SIDT2: variants seen among roughly 807,000 people sequenced by gnomAD.
SIDT2 encodes the protein SID1 transmembrane family member 2, also known as SID1 transmembrane family, member 2.
A neutral mutation model predicts 114.4 loss-of-function variants in SIDT2; 68 were observed. The ratio of observed to expected loss-of-function variants is 0.59; its 90% CI spans 0.49 to 0.73. SIDT2 has a LOEUF of 0.73. SIDT2 is among the 30% of genes least tolerant of loss of function. The probability of loss-of-function intolerance (pLI) is 0.00; values close to 1 mark genes in which losing one functional copy is unlikely to be tolerated. For missense variants in SIDT2, 918 were observed against 1,097.1 expected, an observed-to-expected ratio of 0.84 and a Z score of 2.31; for synonymous variants, 470 against 438.4, an observed-to-expected ratio of 1.07 and a Z score of -0.90.
At chr11:117,183,697 A>C in intron 6 of SIDT2, 82 bp from the exon 7 acceptor site, 1 of 1,037,756 alleles carries the variant, frequency 9.6e-7, no homozygotes, top group Non-Finnish European at 1.5e-6. Flanking sequence ...AATTTAGCAT[A>C]ATGTCTGGCC....
At position 117,182,563 on chromosome 11, in the gene SIDT2, C is replaced by T. The variant is rs1013646733; in HGVS notation, c.561C>T (p.Val187=). The change falls in exon 5 of 26, where the codon GTC becomes GTT. Residue 187 remains valine (V), a synonymous_variant. Coordinates refer to ENST00000324225, the MANE Select transcript of SIDT2 (RefSeq NM_001040455.2). ...CTGAAGGCGTGGACTCGGTAATTGT[C>T]AAGGTGACCTCCAACAAGGCCTTCC... The part of the protein sequence containing the change: ...EFPEGVDSVI[V]KVTSNKAFPC... The T allele has an allele frequency of 6.2e-7, 1 of 1,614,096 alleles. No homozygotes were observed. Among genetic ancestry groups the T allele is most frequent in the African/African-American group, 1.3e-5 (1 of 74,924 alleles).
chr11:117,179,212 C>T lies in SIDT2; in HGVS notation c.-52C>T. ...ACCCGTCCCGGAGGTGTCCTGTCTC[C>T]TGTCGCCGCCGCCGCCGCCACCACC... On this transcript the variant is annotated 5_prime_UTR_variant, in exon 1 of 26. Transcript: ENST00000324225. 6.3e-7 allele frequency: 1 copy of T among 1,575,404 alleles called. No individual in the cohort carries two copies. Among genetic ancestry groups the T allele is most frequent in the Non-Finnish European group, 8.6e-7 (1 of 1,161,114 alleles).
rs2030656063 is a variant in SIDT2, at chr11:117,190,423, C to T, written c.1617+134C>T. ...CCCCTCCCCAGTTCTGTCTGGCCCA[C>T]CCTATCCAGCCCAGCCTGCCCCACC... is the stretch of plus-strand genomic sequence containing the variant. On this transcript the variant is annotated intron_variant, in intron 17 of 25. Transcript: ENST00000324225. The surrounding 1 kb of genome is among the most constrained non-coding windows in gnomAD (Gnocchi z 4.1). 1.4e-6 allele frequency: 2 copies of T among 1,410,706 alleles called. No homozygotes were observed. Among genetic ancestry groups the T allele is most frequent in the Non-Finnish European group, 1.9e-6 (2 of 1,065,322 alleles). 87.4% of individuals were successfully genotyped at this position (1,410,706 alleles called of 1,614,324 possible). A position where few individuals can be genotyped will look rare whatever the true frequency, so the allele number is the denominator to read the frequency against.
chr11:117,181,668 G>C, intron 2 of SIDT2, 131 bp downstream of exon 2: 4 of 1,568,398 alleles, frequency 2.6e-6, no homozygotes, highest in Non-Finnish European at 2.6e-6. Flanking sequence ...CACAAGGGCC[G>C]AGTCCCACCA....
intron 15 of SIDT2, 144 bp from the exon 16 acceptor site, chr11:117,189,808 G>A (rs921517255): frequency 3.1e-5 from 22 of 713,706 alleles, no homozygotes; most frequent in Non-Finnish European, 5.4e-5. Context: ...TTCTCAGAAG[G>A]AACACGTGCC....
chr11:117,196,138 G>T lies in SIDT2; in HGVS notation c.*72G>T. 2.5e-6 allele frequency: 4 copies of T among 1,597,052 alleles called. No individual in the cohort carries two copies. Among genetic ancestry groups the T allele is most frequent in the South Asian group, 1.1e-5 (1 of 90,398 alleles). ...TGTGTCATAGACCGGTCACTCTGTCGTGCTGTGGGGATGAGTCCCAGCACC... is the reference window on the plus strand; with the variant it reads ...TGTGTCATAGACCGGTCACTCTGTCTTGCTGTGGGGATGAGTCCCAGCACC... On this transcript the variant is annotated 3_prime_UTR_variant, in exon 26 of 26. Transcript: ENST00000324225. The surrounding 1 kb of genome is among the most constrained non-coding windows in gnomAD (Gnocchi z 4.9).
In SIDT2 at chr11:117,196,002, A is replaced by G. The variant is rs2030885321; in HGVS notation, c.2437-2A>G. 1 of 1,614,088 alleles carries G rather than the reference A, an allele frequency of 6.2e-7. No individual in the cohort carries two copies. Among genetic ancestry groups the G allele is most frequent in the African/African-American group, 1.3e-5 (1 of 74,930 alleles). On this transcript the variant is annotated splice_acceptor_variant, in intron 25 of 25. Coordinates refer to ENST00000324225, the MANE Select transcript of SIDT2 (RefSeq NM_001040455.2). LOFTEE classifies it high-confidence loss of function. The surrounding 1 kb of genome is among the most constrained non-coding windows in gnomAD (Gnocchi z 4.9). ...GTGGCTGATCTGGCGTCCACACCCCAGGTGTTGCTGACACTGGATGACGAC... is the reference window on the plus strand; with the variant it reads ...GTGGCTGATCTGGCGTCCACACCCCGGGTGTTGCTGACACTGGATGACGAC...
Position 117,189,228 on chromosome 11 carries a change from C to T in SIDT2, c.1338C>T (p.Tyr446=). Residue 446 remains tyrosine, a synonymous_variant, in exon 14 of 26, where the codon TAC becomes TAT. Coordinates refer to ENST00000324225, the MANE Select transcript of SIDT2 (RefSeq NM_001040455.2). ...ACAAGCGTGTTCTGCGGAAAAAGTACCAGATCTACTTCTGGTGAGTGGGCT... is the reference window on the plus strand; with the variant it reads ...ACAAGCGTGTTCTGCGGAAAAAGTATCAGATCTACTTCTGGTGAGTGGGCT... ...RKDKRVLRKK[Y]QIYFWNIATI... 1 of 1,614,234 alleles carries T rather than the reference C, an allele frequency of 6.2e-7. No individual in the cohort carries two copies. Among genetic ancestry groups the T allele is most frequent in the Non-Finnish European group, 8.5e-7 (1 of 1,180,034 alleles).
At position 117,188,019 on chromosome 11, in the gene SIDT2, G is replaced by A. The variant is rs2030565441; in HGVS notation, c.1159+320G>A. The A allele has an allele frequency of 1.0e-5, 6 of 575,618 alleles. No homozygotes were observed. Among genetic ancestry groups the A allele is most frequent in the East Asian group, 7.9e-5 (2 of 25,328 alleles). The allele number at this position is 575,618 out of a possible 1,614,324, so 35.7% of individuals were successfully genotyped here. On this transcript the variant is annotated intron_variant, in intron 12 of 25. Coordinates refer to ENST00000324225, the MANE Select transcript of SIDT2 (RefSeq NM_001040455.2). This position sits in a 1 kb window ranked among gnomAD's most constrained non-coding sequence, Gnocchi z 4.0. The stretch of plus-strand genomic sequence containing the variant: ...TGCCTGCCGGCTCCGGTTGACTGCC[G>A]GCTGTGGGGCCAGAAAGATTCTATG...
In SIDT2 at chr11:117,181,475, G is replaced by A. The variant is rs1490905929; in HGVS notation, c.243G>A (p.Leu81=). 1.9e-6 allele frequency: 3 copies of A among 1,613,842 alleles called. No homozygotes were observed. Among genetic ancestry groups the A allele is most frequent in the Admixed American group, 3.3e-5 (2 of 59,982 alleles). Residue 81 remains leucine (L), a synonymous_variant, in exon 2 of 26, where the codon CTG becomes CTA. Coordinates refer to ENST00000324225, the MANE Select transcript of SIDT2 (RefSeq NM_001040455.2). ...VLNKQKGAPL[L]FVVRQKEAVV... ...ACAAGCAGAAGGGGGCGCCGTTGCT[G>A]TTTGTGGTCCGCCAGAAGGAGGCTG...
rs372876220 is a variant in SIDT2, at chr11:117,193,924, C to T, written c.2283C>T (p.Phe761=). 20 of 1,613,994 alleles carry T rather than the reference C, an allele frequency of 1.2e-5. No individual in the cohort carries two copies. Among genetic ancestry groups the T allele is most frequent in the African/African-American group, 1.2e-4 (9 of 74,916 alleles). The change falls in exon 24 of 26, where the codon TTC becomes TTT. Residue 761 remains phenylalanine (F), a synonymous_variant. Coordinates refer to ENST00000324225, the MANE Select transcript of SIDT2 (RefSeq NM_001040455.2). The part of the protein sequence containing the change: ...CIVCTSVVWG[F]ALFFFFQGLS... ...TTTGCACCTCCGTGGTCTGGGGCTT[C>T]GCGCTCTTCTTCTTCTTCCAGGGAC...
Position 117,188,179 on chromosome 11 carries a change from G to A in SIDT2, c.1159+480G>A, listed in dbSNP as rs553451865. The A allele has an allele frequency of 2.0e-3, 712 of 360,870 alleles. 3 individuals are homozygous for A. The highest frequency in any genetic ancestry group is 3.1e-3 in the Non-Finnish European group (580 of 184,288). 22.4% of individuals were successfully genotyped at this position (360,870 alleles called of 1,614,324 possible). ...GGCTGGACAATCTAGTTTATCGTCT[G>A]CGTTGCCAGCGCCCTCACTCCCTGG... On this transcript the variant is annotated intron_variant, in intron 12 of 25. Coordinates refer to ENST00000324225, the MANE Select transcript of SIDT2 (RefSeq NM_001040455.2). This position sits in a 1 kb window ranked among gnomAD's most constrained non-coding sequence, Gnocchi z 4.0.
intron 15 of SIDT2, 110 bp from the exon 16 acceptor site, chr11:117,189,842 G>C: frequency 1.1e-6 from 1 of 949,726 alleles, no homozygotes; most frequent in Non-Finnish European, 1.7e-6. Flanking sequence ...ATTCCCACCT[G>C]CTAGCTGTGG....
intron 6 of SIDT2, among the ~76,000 whole-genome samples, 170 bp from the exon 7 acceptor site, chr11:117,183,609 G>A (rs1242381599): frequency 6.6e-6 from 1 of 151,648 alleles, no homozygotes; most frequent in Non-Finnish European, 1.5e-5. Flanking sequence ...TGGCACTCCA[G>A]CCTAGGCAAT....
Position 117,181,517 on chromosome 11 carries a change from G to T in SIDT2, c.285G>T (p.Val95=). 6.2e-7 allele frequency: 1 copy of T among 1,613,966 alleles called. No individual in the cohort carries two copies. The highest frequency in any genetic ancestry group is 1.7e-5 in the Admixed American group (1 of 60,010). ...RQKEAVVSFQ[V]PLILRGMFQR... ...AGGAGGCTGTGGTGTCCTTCCAGGT[G>T]CCCCTAATCCTGCGAGGGATGTGAG... Residue 95 remains valine, a synonymous_variant, in exon 2 of 26, where the codon GTG becomes GTT. Coordinates refer to ENST00000324225, the MANE Select transcript of SIDT2 (RefSeq NM_001040455.2).
chr11:117,185,972 A>G (rs1189229474), intron 8 of SIDT2, 158 bp from the exon 9 acceptor site: 1 of 598,470 alleles, frequency 1.7e-6, no homozygotes, highest in Non-Finnish European at 3.0e-6. Context: ...TATTAGAGGA[A>G]CTGCCAGTTG....
chr11:117,190,498 A>G lies in SIDT2; in HGVS notation c.1618-125A>G. On this transcript the variant is annotated intron_variant, in intron 17 of 25. Coordinates refer to ENST00000324225, the MANE Select transcript of SIDT2 (RefSeq NM_001040455.2). This position sits in a 1 kb window ranked among gnomAD's most constrained non-coding sequence, Gnocchi z 4.1. ...TGCCCAGGCCAGCCCACCCCTGCAC[A>G]CCCACACTCGACACATACCCCACCC... The G allele has an allele frequency of 1.3e-6, 1 of 781,638 alleles. No individual in the cohort carries two copies. The highest frequency in any genetic ancestry group is 1.8e-6 in the Non-Finnish European group (1 of 564,290). 48.4% of individuals were successfully genotyped at this position (781,638 alleles called of 1,614,324 possible).
rs1018683056 is a variant in SIDT2 at position 117,188,926 on chromosome 11, C to G, written c.1278+100C>G. 4.0e-6 allele frequency: 5 copies of G among 1,256,732 alleles called. No individual in the cohort carries two copies. Among genetic ancestry groups the G allele is most frequent in the Non-Finnish European group, 5.8e-6 (5 of 857,890 alleles). The allele number at this position is 1,256,732 out of a possible 1,614,324, so 77.8% of individuals were successfully genotyped here. ...CCCACTGACGTGGCATTTAGGGAAG[C>G]AGAAGGAAGGGGCTCAGCTGGGGCA... On this transcript the variant is annotated intron_variant, in intron 13 of 25. Transcript: ENST00000324225. The surrounding 1 kb of genome is among the most constrained non-coding windows in gnomAD (Gnocchi z 4.0).
intron 9 of SIDT2, 27 bp downstream of exon 9, chr11:117,186,250 T>G: frequency 4.4e-6 from 7 of 1,606,314 alleles, no homozygotes; most frequent in Non-Finnish European, 5.1e-6. Context: ...GGGCCTCCCC[T>G]GGTCTGGGTG....
Sources: gnomAD v4.1 joint callset for allele counts (sites outside exome capture counted in the v4.1 genomes callset) on GRCh38, gnomAD v4.1.1 for gene constraint, Gnocchi (gnomAD v3.1) non-coding constraint, MANE v1.5 for transcripts, NCBI Gene and HGNC (gene_info 2026-07-23, HGNC 2026-07-21) for gene names.